The following PLPPR4 variants were observed in gnomAD, a reference collection of about 807,000 sequenced individuals.
PLPPR4 encodes phospholipid phosphatase related 4.
Under a neutral mutation model 56.6 loss-of-function variants are expected in PLPPR4, and 24 were observed. The ratio of observed to expected loss-of-function variants is 0.42; its 90% CI spans 0.31 to 0.60. The LOEUF (loss-of-function observed/expected upper bound fraction) is 0.60, where lower values mean the gene tolerates loss of function less well. PLPPR4 is among the 20% of genes least tolerant of loss of function. PLPPR4 has a pLI of 0.13. For synonymous variants in PLPPR4, 326 were observed against 328.1 expected (o/e 0.99, Z 0.07); for missense variants, 654 against 885.8 (o/e 0.74, Z 3.32).
rs1213703870 is a variant in PLPPR4 at position 99,301,498 on chromosome 1, T to C, written c.649-226T>C. ...GACTAAACAGTTAAATGGTTAACTC[T>C]ACTGTTTTGGTATTTTTCCAACTTT... On this transcript the variant is annotated intron_variant, in intron 5 of 6. Transcript: ENST00000370185. Among the ~76,000 whole-genome samples the C allele has an allele frequency of 2.0e-5, 3 of 152,060 alleles. 1 individual carries two copies. The highest frequency in any genetic ancestry group is 2.0e-4 in the Admixed American group (3 of 15,226).
rs759132918 is a variant in PLPPR4, at chr1:99,306,868, C to G, written c.2006C>G (p.Thr669Arg). The G allele has an allele frequency of 4.3e-6, 7 of 1,614,006 alleles. No individual in the cohort carries two copies. Among genetic ancestry groups the G allele is most frequent in the African/African-American group, 4.0e-5 (3 of 74,930 alleles). Residue 669 changes from threonine to arginine, a missense_variant, in exon 7 of 7, where the codon ACG becomes AGG. This residue lies in a region of PLPPR4 where 468 missense variants were observed against 554.3 expected (regional missense o/e 0.84). Coordinates refer to ENST00000370185, the MANE Select transcript of PLPPR4 (RefSeq NM_014839.5). This position sits in a 1 kb window ranked among gnomAD's most constrained non-coding sequence, Gnocchi z 4.0. ...GAGGGCAGCGAAATTGGCTCAGAGA[C>G]GCTGTCCATTTCTTCTTCCCGCGAC... ...PVEGSEIGSE[T>R]LSISSSRDST...
chr1:99,265,159 A>C, intron 1 of PLPPR4, among the ~76,000 whole-genome samples: 1 of 127,762 alleles, frequency 7.8e-6, no homozygotes, highest in African/African-American at 2.8e-5. Flanking sequence ...CCCCCCCCAA[A>C]TCCTTCTCCT....
intron 3 of PLPPR4, 56 bp downstream of exon 3, chr1:99,296,923 T>C: frequency 7.1e-7 from 1 of 1,400,916 alleles, no homozygotes; most frequent in Non-Finnish European, 9.5e-7. Context: ...ATTGAAATGT[T>C]ATATTTAATT....
Position 99,264,577 on chromosome 1 carries a change from C to T in PLPPR4, c.-17C>T. On this transcript the variant is annotated 5_prime_UTR_variant, in exon 1 of 7. Coordinates refer to ENST00000370185, the MANE Select transcript of PLPPR4 (RefSeq NM_014839.5). Reference sequence around the variant, plus strand: ...ACCTCGCCCGGGGGAGGACGCAGACCCGGGCAGGCGGCAGGGATGTCGGCG... The same window carrying T: ...ACCTCGCCCGGGGGAGGACGCAGACTCGGGCAGGCGGCAGGGATGTCGGCG... 2 of 1,550,908 alleles carry T rather than the reference C, an allele frequency of 1.3e-6. No homozygotes were observed. Among genetic ancestry groups the T allele is most frequent in the Non-Finnish European group, 1.7e-6 (2 of 1,147,034 alleles).
In PLPPR4 at chr1:99,298,964, A is replaced by G. The variant is rs1057497593; in HGVS notation, c.395-71A>G. ...TAGATTTTAAGATCTTAATTCACTA[A>G]TGTTTAATGAATATGTTTGATGCTG... On this transcript the variant is annotated intron_variant, in intron 3 of 6. Coordinates refer to ENST00000370185, the MANE Select transcript of PLPPR4 (RefSeq NM_014839.5). 1.6e-5 allele frequency: 16 copies of G among 992,792 alleles called. No individual in the cohort carries two copies. In the Admixed American group the frequency reaches 1.7e-4, roughly 11 times the overall value. 61.5% of individuals were successfully genotyped at this position (992,792 alleles called of 1,614,324 possible).
chr1:99,267,623 T>C (rs1284956338), intron 1 of PLPPR4, among the ~76,000 whole-genome samples: 2 of 152,220 alleles, frequency 1.3e-5, no homozygotes, highest in Non-Finnish European at 2.9e-5. Context: ...GATATGTTAG[T>C]TCCTTTCCTT....
chr1:99,264,381 G>A (rs1362012721), upstream of PLPPR4: 13 of 1,309,204 alleles, frequency 9.9e-6, no homozygotes, highest in Middle Eastern at 2.7e-4. Flanking sequence ...AGGGGAGGAA[G>A]AGGACTGGCC....
chr1:99,291,325 T>TA (rs1570917803), intron 2 of PLPPR4, among the ~76,000 whole-genome samples: 1 of 152,200 alleles, frequency 6.6e-6, no homozygotes, highest in East Asian at 1.9e-4. Flanking sequence ...AAGGAACGCT[T>TA]ATACACTGTT....
rs900054494 is a variant in PLPPR4, at chr1:99,300,294, A to G, written c.591-615A>G. ...CTGCCCTTTTCAGAGTCTCTTCACT[A>G]TCTTTGCCTGCTCTTTAAACTGTTT... On this transcript the variant is annotated intron_variant, in intron 4 of 6. Coordinates refer to ENST00000370185, the MANE Select transcript of PLPPR4 (RefSeq NM_014839.5). Among the ~76,000 whole-genome samples, 7 of 151,946 alleles carry G rather than the reference A, an allele frequency of 4.6e-5. No homozygotes were observed. The East Asian group carries it at 5.8e-4, about 13-fold the overall frequency.
At chr1:99,296,659 G>A in intron 2 of PLPPR4, 79 bp from the exon 3 acceptor site, 1 of 1,172,046 alleles carries the variant, frequency 8.5e-7, no homozygotes, top group Non-Finnish European at 1.2e-6. Flanking sequence ...GTTAAAAAGT[G>A]ATATATAATT....
In PLPPR4 at chr1:99,306,800, G is replaced by GGA. The variant is rs749074825; in HGVS notation, c.1938_1939insGA (p.His647AspfsTer15). Reference sequence around the variant, plus strand: ...AGAGAAGCAACATTGATAGCAATGAGCATCACCACCACGGAATTACCACCA... The same window carrying GGA: ...AGAGAAGCAACATTGATAGCAATGAGGACATCACCACCACGGAATTACCACCA... On this transcript the variant is annotated frameshift_variant, in exon 7 of 7. Transcript: ENST00000370185. LOFTEE classifies it high-confidence loss of function. This position sits in a 1 kb window ranked among gnomAD's most constrained non-coding sequence, Gnocchi z 4.0. The GGA allele has an allele frequency of 6.2e-7, 1 of 1,614,054 alleles. No homozygotes were observed. The highest frequency in any genetic ancestry group is 8.5e-7 in the Non-Finnish European group (1 of 1,180,000).
chr1:99,288,466 CTTACT>C (rs1659528474), intron 2 of PLPPR4, among the ~76,000 whole-genome samples: 1 of 150,998 alleles, frequency 6.6e-6, no homozygotes, highest in African/African-American at 2.4e-5. Context: ...TCCTAATTAA[CTTACT>C]TTACATGTGT....
intron 1 of PLPPR4, among the ~76,000 whole-genome samples, chr1:99,270,006 TGTGTG>T (rs1659011377): frequency 7.7e-6 from 1 of 129,634 alleles, no homozygotes; most frequent in Non-Finnish European, 1.7e-5. Flanking sequence ...TTTGTGTGTG[TGTGTG>T]TGTGTGTGTG....
At chr1:99,279,916 C>T (rs188466418) in intron 1 of PLPPR4, among the ~76,000 whole-genome samples, 1 of 152,262 alleles carries the variant, frequency 6.6e-6, no homozygotes, top group Non-Finnish European at 1.5e-5. Context: ...GGTCTAAGTA[C>T]ATACCTAATA....
At chr1:99,289,511 C>G (rs113243168) in intron 2 of PLPPR4, among the ~76,000 whole-genome samples, 7,030 of 152,036 alleles carry the variant, frequency 0.046, 228 homozygotes, top group East Asian at 0.14. Flanking sequence ...GTGACTGTCA[C>G]ATTACTAGAA....
At chr1:99,302,509 TTTATTATTA>T (rs35590074) in intron 6 of PLPPR4, among the ~76,000 whole-genome samples, 2 of 149,554 alleles carry the variant, frequency 1.3e-5, no homozygotes, top group Non-Finnish European at 3.0e-5. Flanking sequence ...TATTCTTTTT[TTTATTATTA>T]TTATTATTAT....
chr1:99,279,907 G>A (rs1237893737), intron 1 of PLPPR4, among the ~76,000 whole-genome samples: 1 of 152,098 alleles, frequency 6.6e-6, no homozygotes, highest in African/African-American at 2.4e-5. Flanking sequence ...TGCTTTTTAG[G>A]TCTAAGTACA....
rs535400175 is a variant in PLPPR4 at position 99,272,429 on chromosome 1, A to G, written c.78+7758A>G. Among the ~76,000 whole-genome samples, 4 of 152,290 alleles carry G rather than the reference A, an allele frequency of 2.6e-5. No individual in the cohort carries two copies. In the East Asian group the frequency reaches 7.7e-4, roughly 29 times the overall value. On this transcript the variant is annotated intron_variant, in intron 1 of 6. Coordinates refer to ENST00000370185, the MANE Select transcript of PLPPR4 (RefSeq NM_014839.5). ...TACTATTTCTAGAATTCCTTTTATTAGAAAGTTTCCCTCTGGATTATAACA... is the reference window on the plus strand; with the variant it reads ...TACTATTTCTAGAATTCCTTTTATTGGAAAGTTTCCCTCTGGATTATAACA...
chr1:99,299,051 A>G lies in PLPPR4; in HGVS notation c.411A>G (p.Gly137=), dbSNP rs1044508950. 10 of 1,613,410 alleles carry G rather than the reference A, an allele frequency of 6.2e-6. No individual in the cohort carries two copies. Among genetic ancestry groups the G allele is most frequent in the Non-Finnish European group, 8.5e-6 (10 of 1,179,582 alleles). ...AVRFVGVHVF[G]LCSTALITDI... is the part of the protein sequence containing the mutation. Reference sequence around the variant, plus strand: ...TGCCTATAGGTGTTCATGTATTTGGATTATGCTCTACAGCTCTCATTACAG... The same window carrying G: ...TGCCTATAGGTGTTCATGTATTTGGGTTATGCTCTACAGCTCTCATTACAG... Residue 137 remains glycine, a synonymous_variant, in exon 4 of 7, where the codon GGA becomes GGG. Transcript: ENST00000370185.
Sources: gnomAD v4.1 joint callset for allele counts (sites outside exome capture counted in the v4.1 genomes callset) on GRCh38, gnomAD v4.1.1 for gene constraint, gnomAD v4.1.1 regional missense constraint, Gnocchi (gnomAD v3.1) non-coding constraint, MANE v1.5 for transcripts, NCBI Gene and HGNC (gene_info 2026-07-23, HGNC 2026-07-21) for gene names.